The following HERC2 variants were observed in gnomAD, a reference collection of about 807,000 sequenced individuals.
The protein encoded by HERC2 is HECT and RLD domain containing E3 ubiquitin protein ligase 2.
A neutral mutation model predicts 537.7 loss-of-function variants in HERC2; 102 were observed. The ratio of observed to expected loss-of-function variants is 0.19; its 90% CI spans 0.16 to 0.22. The LOEUF is 0.22. HERC2 is among the 10% of genes least tolerant of loss of function. The pLI is 1.00. For missense variants in HERC2, 4,236 were observed against 6,198.2 expected, an observed-to-expected ratio of 0.68 and a Z score of 10.63; for synonymous variants, 2,224 against 2,466.2, an observed-to-expected ratio of 0.90 and a Z score of 2.91.
chr15:28,285,911 CTT>C (rs2076146194), intron 4 of HERC2, among the ~76,000 whole-genome samples: 2 of 150,686 alleles, frequency 1.3e-5, no homozygotes, highest in South Asian at 4.2e-4. Context: ...ACACATGTAA[CTT>C]TGACAACTTG....
At chr15:28,153,902 A>G (rs569049995) in intron 69 of HERC2, among the ~76,000 whole-genome samples, 1 of 152,228 alleles carries the variant, frequency 6.6e-6, no homozygotes, top group African/African-American at 2.4e-5. Flanking sequence ...AGGAACCATC[A>G]AGCCGCTCAG....
At chr15:28,292,797 G>A (rs2076354960) in intron 4 of HERC2, 91 bp downstream of exon 4, 1 of 1,294,350 alleles carries the variant, frequency 7.7e-7, no homozygotes, top group Non-Finnish European at 1.1e-6. Context: ...TTTTAAAATT[G>A]TTACCAAAAA....
intron 5 of HERC2, among the ~76,000 whole-genome samples, chr15:28,275,698 G>C (rs1459986412): frequency 6.6e-6 from 1 of 151,636 alleles, no homozygotes; most frequent in East Asian, 1.9e-4. Context: ...CAGGAGAATG[G>C]TGTGAACCTG....
In HERC2 at chr15:28,115,507, AC is replaced by A; in HGVS notation, c.13643del (p.Ser4548IlefsTer3). ...GCTCGGCAAGGTTGAGGCTCAGGGG[AC>A]TCCCGGTTCGGATGGCAATGCCCAG... Reference protein sequence around the residue: ...VLLGIAIRTGSPLSLNLAEPV... With the variant: ...VLLGIAIRTGXPLSLNLAEPV... On this transcript the variant is annotated frameshift_variant, in exon 89 of 93. Transcript: ENST00000261609. LOFTEE classifies it high-confidence loss of function. The A allele has an allele frequency of 6.2e-7, 1 of 1,613,590 alleles. No individual in the cohort carries two copies. Among genetic ancestry groups the A allele is most frequent in the Non-Finnish European group, 8.5e-7 (1 of 1,179,882 alleles).
intron 2 of HERC2, among the ~76,000 whole-genome samples, chr15:28,310,896 C>A (rs1362909943): frequency 6.6e-6 from 1 of 151,664 alleles, no homozygotes; most frequent in African/African-American, 2.4e-5. Flanking sequence ...GCTAACACAG[C>A]GAAACCCCAT....
At chr15:28,160,306 G>T (rs1412670675) in intron 69 of HERC2, among the ~76,000 whole-genome samples, 2 of 152,224 alleles carry the variant, frequency 1.3e-5, no homozygotes, top group African/African-American at 4.8e-5. Context: ...GCTGCCTTTT[G>T]TTCGGCTATG....
chr15:28,132,332 C>T, intron 80 of HERC2, 71 bp from the exon 81 acceptor site: 1 of 1,376,440 alleles, frequency 7.3e-7, no homozygotes, highest in Non-Finnish European at 9.8e-7. Context: ...GGCTTCACAA[C>T]ACTGCCATTC....
At chr15:28,307,933 T>A (rs548576332) in intron 2 of HERC2, among the ~76,000 whole-genome samples, 3,208 of 152,102 alleles carry the variant, frequency 0.021, 68 homozygotes, top group African/African-American at 0.074. Context: ...GCTAGTACTA[T>A]GCTGTTTTGG....
chr15:28,194,591 A>G lies in HERC2; in HGVS notation c.8260+1624T>C, dbSNP rs191439764. On this transcript the variant is annotated intron_variant, in intron 52 of 92. Coordinates refer to ENST00000261609, the MANE Select transcript of HERC2 (RefSeq NM_004667.6). ...CGTCTCAAAAAAAACAAAACAAAAC[A>G]AAACAAAAAAACAGGCATGAGCCAC... Among the ~76,000 whole-genome samples the G allele has an allele frequency of 5.9e-3, 900 of 151,566 alleles. 7 individuals carry two copies. Among genetic ancestry groups the G allele is most frequent in the African/African-American group, 0.021 (875 of 41,404 alleles).
At chr15:28,184,600 G>A (rs1596154750) in intron 56 of HERC2, among the ~76,000 whole-genome samples, 2 of 152,038 alleles carry the variant, frequency 1.3e-5, no homozygotes, top group Admixed American at 6.5e-5. Context: ...AGTGGCTCAC[G>A]CCTATAATCC....
In HERC2 at chr15:28,272,295, C is replaced by T. The variant is rs1465401212; in HGVS notation, c.1003G>A (p.Ala335Thr). 14 of 1,612,142 alleles carry T rather than the reference C, an allele frequency of 8.7e-6. No homozygotes were observed. Among genetic ancestry groups the T allele is most frequent in the African/African-American group, 2.7e-5 (2 of 74,866 alleles). The change falls in exon 9 of 93, where the codon GCC (alanine) becomes ACC (threonine). Residue 335 changes from alanine (A) to threonine (T), a missense_variant. Ala to Thr is a moderately conservative substitution (Grantham distance 58, BLOSUM62 0). Transcript: ENST00000261609. ...DNERSAQGTS[A>T]PLLPLLQRFQ... Reference sequence around the variant, plus strand: ...CTTTGCAGCAAGGGCAAAAGTGGGGCGCTGGTGCCCTGGGCGGAACGCTCA... The same window carrying T: ...CTTTGCAGCAAGGGCAAAAGTGGGGTGCTGGTGCCCTGGGCGGAACGCTCA...
intron 37 of HERC2, among the ~76,000 whole-genome samples, chr15:28,220,117 C>A (rs1299704187): frequency 6.6e-6 from 1 of 152,222 alleles, no homozygotes; most frequent in Admixed American, 6.5e-5. Context: ...CCTCGGCTCA[C>A]TCGCTCAGAC....
At chr15:28,246,098 GTATT>G (rs1903687503) in intron 22 of HERC2, 32 bp from the exon 23 acceptor site, 3 of 1,377,960 alleles carry the variant, frequency 2.2e-6, no homozygotes, top group South Asian at 2.6e-5. Flanking sequence ...ATTTAAATAA[GTATT>G]TATCCTATAA....
In HERC2 at chr15:28,246,851, G is replaced by C; in HGVS notation, c.3282C>G (p.Ala1094=). ...GVGSLLKKYT[A]LLCTHIGDIL... Reference sequence around the variant, plus strand: ...TATCTCCAATGTGCGTGCACAGGAGGGCTGTGTACTTCTTCAGCAAGGAAC... The same window carrying C: ...TATCTCCAATGTGCGTGCACAGGAGCGCTGTGTACTTCTTCAGCAAGGAAC... The change falls in exon 22 of 93, where the codon GCC becomes GCG. Residue 1094 remains alanine, a synonymous_variant. Transcript: ENST00000261609. The C allele has an allele frequency of 6.2e-7, 1 of 1,611,376 alleles. No individual in the cohort carries two copies. The highest frequency in any genetic ancestry group is 8.5e-7 in the Non-Finnish European group (1 of 1,178,934).
chr15:28,288,324 G>A (rs1386682055), intron 4 of HERC2, among the ~76,000 whole-genome samples: 2 of 151,176 alleles, frequency 1.3e-5, no homozygotes, highest in African/African-American at 2.4e-5. Flanking sequence ...TCAGGAGTTC[G>A]AAACCAGCCT....
intron 66 of HERC2, among the ~76,000 whole-genome samples, chr15:28,168,825 T>C (rs560866433): frequency 5.3e-4 from 80 of 152,376 alleles, no homozygotes; most frequent in African/African-American, 1.8e-3. Flanking sequence ...GGTGAAAAAC[T>C]GCCAAACATA....
chr15:28,157,842 A>G (rs371672757), intron 69 of HERC2, among the ~76,000 whole-genome samples: 1 of 151,944 alleles, frequency 6.6e-6, no homozygotes, highest in Non-Finnish European at 1.5e-5. Context: ...TAGGGTGTCA[A>G]TTTTAGATCT....
chr15:28,297,036 T>C (rs1054263333), intron 3 of HERC2, among the ~76,000 whole-genome samples: 6 of 152,244 alleles, frequency 3.9e-5, no homozygotes, highest in Non-Finnish European at 7.3e-5. Flanking sequence ...AATGAACAGA[T>C]GTGACTTTGA....
At chr15:28,255,786 C>A in intron 19 of HERC2, 86 bp downstream of exon 19, 1 of 1,383,196 alleles carries the variant, frequency 7.2e-7, no homozygotes. Flanking sequence ...TAGAGTTTTA[C>A]TGTTTTCAGT....
Sources: gnomAD v4.1 joint callset for allele counts (sites outside exome capture counted in the v4.1 genomes callset) on GRCh38, gnomAD v4.1.1 for gene constraint, MANE v1.5 for transcripts, NCBI Gene and HGNC (gene_info 2026-07-23, HGNC 2026-07-21) for gene names.